Variants in KCNT2 observed in about 807,000 individuals in gnomAD.
KCNT2 encodes the protein potassium channel subfamily T member 2.
KCNT2 carries 67 observed loss-of-function variants against 153.8 expected under a neutral mutation model. The observed-to-expected ratio is 0.44, with a 90% confidence interval of 0.36 to 0.53. The LOEUF is 0.53. Among genes scored for constraint, KCNT2 ranks in the 20% least tolerant of loss-of-function variants. The probability of loss-of-function intolerance (pLI) is 0.00; values close to 1 mark genes in which losing one functional copy is unlikely to be tolerated. For synonymous variants in KCNT2, 500 were observed against 458.8 expected (o/e 1.09, Z -1.15); for missense variants, 975 against 1,354.8 (o/e 0.72, Z 4.40).
chr1:196,482,568 CT>C (rs1273117335), intron 3 of KCNT2, among the ~76,000 whole-genome samples, 189 bp from the exon 4 acceptor site: 1 of 151,920 alleles, frequency 6.6e-6, no homozygotes, highest in Admixed American at 6.6e-5. Context: ...CCGATAAAAA[CT>C]TTTTGAATTT....
At chr1:196,310,544 T>A (rs528949431) in intron 21 of KCNT2, among the ~76,000 whole-genome samples, 1 of 152,042 alleles carries the variant, frequency 6.6e-6, no homozygotes, top group South Asian at 2.1e-4. Context: ...ATGTTGAGTA[T>A]TTTAAATTAT....
intron 1 of KCNT2, among the ~76,000 whole-genome samples, chr1:196,512,419 C>T (rs908038363): frequency 6.6e-6 from 1 of 152,156 alleles, no homozygotes; most frequent in African/African-American, 2.4e-5. Context: ...TATCAGACAT[C>T]TGCAACCCAG....
intron 19 of KCNT2, among the ~76,000 whole-genome samples, 190 bp downstream of exon 19, chr1:196,326,527 A>T (rs1177692747): frequency 6.6e-6 from 1 of 152,104 alleles, no homozygotes; most frequent in Non-Finnish European, 1.5e-5. Context: ...TTTAAGTAGT[A>T]TTTATGAATA....
At chr1:196,451,217 C>CTTTTT (rs561944079) in intron 8 of KCNT2, among the ~76,000 whole-genome samples, 4 of 63,546 alleles carry the variant, frequency 6.3e-5, no homozygotes, top group Non-Finnish European at 9.2e-5. Flanking sequence ...ATCCCTCTTT[C>CTTTTT]TTTTTTTTTT....
intron 12 of KCNT2, among the ~76,000 whole-genome samples, chr1:196,422,129 A>C (rs1673260853): frequency 6.6e-6 from 1 of 152,030 alleles, no homozygotes; most frequent in Non-Finnish European, 1.5e-5. Context: ...AGATGAGAAA[A>C]TCAGTTTAAA....
At chr1:196,519,452 G>T (rs1316902625) in intron 1 of KCNT2, among the ~76,000 whole-genome samples, 1 of 151,898 alleles carries the variant, frequency 6.6e-6, no homozygotes, top group African/African-American at 2.4e-5. Flanking sequence ...AATCAGAGCT[G>T]AACTGAAAGA....
intron 25 of KCNT2, among the ~76,000 whole-genome samples, chr1:196,278,048 C>A (rs1658743757): frequency 6.6e-6 from 1 of 151,984 alleles, no homozygotes; most frequent in Admixed American, 6.6e-5. Context: ...TCTCCAAATT[C>A]AGGAAGCAAA....
At chr1:196,570,929 A>G (rs1660707225) in intron 1 of KCNT2, among the ~76,000 whole-genome samples, 1 of 152,132 alleles carries the variant, frequency 6.6e-6, no homozygotes, top group South Asian at 2.1e-4. Flanking sequence ...AGTGCCATTA[A>G]GGCACAAGTA....
intron 22 of KCNT2, among the ~76,000 whole-genome samples, chr1:196,302,319 C>T (rs1661256588): frequency 6.6e-6 from 1 of 151,840 alleles, no homozygotes; most frequent in African/African-American, 2.4e-5. Flanking sequence ...GTAAATATTA[C>T]TGATTAAAAA....
chr1:196,384,608 T>C (rs1464302950), intron 13 of KCNT2, among the ~76,000 whole-genome samples: 1 of 148,028 alleles, frequency 6.8e-6, no homozygotes, highest in African/African-American at 2.5e-5. Flanking sequence ...GAGGCTGAGG[T>C]AGGAGAATCG....
intron 22 of KCNT2, among the ~76,000 whole-genome samples, chr1:196,291,245 T>A (rs1361991941): frequency 1.3e-5 from 2 of 151,584 alleles, no homozygotes; most frequent in Non-Finnish European, 2.9e-5. Context: ...CTCTATGAAA[T>A]CCTTTCGTAC....
chr1:196,542,648 G>T (rs1370405840), intron 1 of KCNT2, among the ~76,000 whole-genome samples: 2 of 152,070 alleles, frequency 1.3e-5, no homozygotes, highest in East Asian at 3.8e-4. Context: ...ATGGATTGGG[G>T]AGCTTGGGAG....
At position 196,340,474 on chromosome 1, in the gene KCNT2, G is replaced by A. The variant is rs2148152496; in HGVS notation, c.1650C>T (p.Cys550=). 6.2e-7 allele frequency: 1 copy of A among 1,611,046 alleles called. No homozygotes were observed. The highest frequency in any genetic ancestry group is 1.1e-5 in the South Asian group (1 of 90,950). Reference sequence around the variant, plus strand: ...CTTCTTTGGTAATATTAATATAAAAGCATATGTCTGTAGAATTCATAATGT... The same window carrying A: ...CTTCTTTGGTAATATTAATATAAAAACATATGTCTGTAGAATTCATAATGT... The part of the protein sequence containing the change: ...PRYIMNSTDI[C]FYINITKEEN... Residue 550 remains cysteine (C), a synonymous_variant, in exon 16 of 28, where the codon TGC becomes TGT. Coordinates refer to ENST00000294725, the MANE Select transcript of KCNT2 (RefSeq NM_198503.5).
At chr1:196,382,375 G>A (rs1264842391) in intron 13 of KCNT2, among the ~76,000 whole-genome samples, 2 of 151,878 alleles carry the variant, frequency 1.3e-5, no homozygotes, top group Non-Finnish European at 2.9e-5. Flanking sequence ...CCAAAGTGCT[G>A]GGATTACAGA....
At chr1:196,350,806 A>G (rs953998891) in intron 14 of KCNT2, among the ~76,000 whole-genome samples, 1 of 152,154 alleles carries the variant, frequency 6.6e-6, no homozygotes, top group African/African-American at 2.4e-5. Context: ...GGTAATGCCT[A>G]GGTTTTCTTC....
intron 8 of KCNT2, among the ~76,000 whole-genome samples, chr1:196,433,218 T>G (rs1457371230): frequency 1.3e-5 from 2 of 152,118 alleles, no homozygotes; most frequent in Non-Finnish European, 2.9e-5. Context: ...AAGGAATTTC[T>G]ATTGTTTATA....
intron 1 of KCNT2, among the ~76,000 whole-genome samples, chr1:196,509,482 T>C (rs529347920): frequency 6.6e-6 from 1 of 152,280 alleles, no homozygotes; most frequent in African/African-American, 2.4e-5. Context: ...CCTAAGACTA[T>C]ATGTCAGTGA....
chr1:196,468,478 G>T (rs1350693256), intron 6 of KCNT2, among the ~76,000 whole-genome samples: 1 of 152,088 alleles, frequency 6.6e-6, no homozygotes, highest in African/African-American at 2.4e-5. Context: ...TTATGGGACT[G>T]TAGTTGAATA....
chr1:196,593,909 C>A (rs1217925863), intron 1 of KCNT2, among the ~76,000 whole-genome samples: 1 of 151,936 alleles, frequency 6.6e-6, no homozygotes, highest in African/African-American at 2.4e-5. Flanking sequence ...ACTAACACTG[C>A]AAAACTAAAC....
Sources: gnomAD v4.1 joint callset for allele counts (sites outside exome capture counted in the v4.1 genomes callset) on GRCh38, gnomAD v4.1.1 for gene constraint, MANE v1.5 for transcripts, NCBI Gene and HGNC (gene_info 2026-07-23, HGNC 2026-07-21) for gene names.